The following NAALADL2 variants were observed in gnomAD, a reference collection of about 807,000 sequenced individuals.
NAALADL2 encodes N-acetylated alpha-linked acidic dipeptidase like 2.
In NAALADL2, 76 loss-of-function variants were observed where a neutral mutation model predicts 87.2. The ratio of observed to expected loss-of-function variants is 0.87; its 90% CI spans 0.72 to 1.05. The LOEUF (loss-of-function observed/expected upper bound fraction) is 1.05. NAALADL2 is among the 50% of genes least tolerant of loss of function. NAALADL2 has a pLI of 0.00. For missense variants in NAALADL2, 1,089 were observed against 945.8 expected, an observed-to-expected ratio of 1.15 and a Z score of -1.99; for synonymous variants, 354 against 331.0, an observed-to-expected ratio of 1.07 and a Z score of -0.75.
intron 2 of NAALADL2, among the ~76,000 whole-genome samples, chr3:175,187,218 A>G (rs1282185079): frequency 6.6e-6 from 1 of 152,176 alleles, no homozygotes; most frequent in Non-Finnish European, 1.5e-5. Flanking sequence ...CACTTTATAA[A>G]CATCTACCAT....
At chr3:174,918,552 G>A (rs1734722827) in intron 1 of NAALADL2, among the ~76,000 whole-genome samples, 1 of 152,132 alleles carries the variant, frequency 6.6e-6, no homozygotes, top group African/African-American at 2.4e-5. Flanking sequence ...GCTGATCAAG[G>A]ATCTGGCGGT....
At chr3:174,762,969 G>A (rs902456461) in intron 3 of NAALADL2, among the ~76,000 whole-genome samples, 5 of 152,022 alleles carry the variant, frequency 3.3e-5, no homozygotes, top group African/African-American at 1.2e-4. Flanking sequence ...AATATTTGAA[G>A]CTTCTTGATG....
At chr3:174,556,631 C>G (rs943692021) in intron 2 of NAALADL2, among the ~76,000 whole-genome samples, 1 of 152,056 alleles carries the variant, frequency 6.6e-6, no homozygotes, top group Non-Finnish European at 1.5e-5. Flanking sequence ...TTATTTCCCT[C>G]AGGAAATAAT....
At chr3:175,798,295 G>A (rs550871374) in intron 13 of NAALADL2, among the ~76,000 whole-genome samples, 1 of 149,374 alleles carries the variant, frequency 6.7e-6, no homozygotes, top group South Asian at 2.1e-4. Context: ...CCAAAATGAA[G>A]GTTTTTTTAA....
intron 3 of NAALADL2, among the ~76,000 whole-genome samples, chr3:175,250,105 G>A (rs1748755553): frequency 6.6e-6 from 1 of 151,450 alleles, no homozygotes; most frequent in African/African-American, 2.4e-5. Context: ...GGGAGTGGAG[G>A]TTGCCGTTAG....
intron 5 of NAALADL2, among the ~76,000 whole-genome samples, chr3:175,412,217 C>T (rs568046560): frequency 1.3e-5 from 2 of 152,256 alleles, no homozygotes; most frequent in South Asian, 4.2e-4. Flanking sequence ...GTCTTTTCCC[C>T]CCTTTTTATG....
At chr3:175,329,665 TGTAA>T (rs1236689871) in intron 5 of NAALADL2, among the ~76,000 whole-genome samples, 6 of 152,188 alleles carry the variant, frequency 3.9e-5, no homozygotes, top group African/African-American at 9.6e-5. Flanking sequence ...ACTATTTCAT[TGTAA>T]GTGTCTGGTG....
chr3:174,561,865 C>G (rs1194853621), intron 2 of NAALADL2, among the ~76,000 whole-genome samples: 3 of 152,120 alleles, frequency 2.0e-5, no homozygotes, highest in Non-Finnish European at 4.4e-5. Flanking sequence ...GACATTTTCT[C>G]TTTAATAAGT....
At chr3:174,948,054 G>A (rs551054205) in intron 1 of NAALADL2, among the ~76,000 whole-genome samples, 38 of 152,006 alleles carry the variant, frequency 2.5e-4, no homozygotes, top group African/African-American at 9.2e-4. Flanking sequence ...GTTAATTTTT[G>A]CCAGTTAAAC....
chr3:175,321,025 C>T (rs1400245549), intron 4 of NAALADL2, among the ~76,000 whole-genome samples: 1 of 151,564 alleles, frequency 6.6e-6, no homozygotes, highest in Non-Finnish European at 1.5e-5. Flanking sequence ...CGGGCAGAGA[C>T]ACAACCAAAA....
chr3:174,915,070 A>G (rs1254694279), intron 1 of NAALADL2, among the ~76,000 whole-genome samples: 2 of 152,204 alleles, frequency 1.3e-5, no homozygotes, highest in Admixed American at 6.5e-5. Flanking sequence ...AAATAATACA[A>G]TGTTGGAAAA....
chr3:175,703,084 T>A (rs999573033), intron 11 of NAALADL2, among the ~76,000 whole-genome samples: 21 of 152,174 alleles, frequency 1.4e-4, no homozygotes, highest in African/African-American at 4.8e-4. Flanking sequence ...TCTGAAAGCT[T>A]AGAAAACATT....
chr3:175,121,160 G>A (rs376365698), intron 2 of NAALADL2, among the ~76,000 whole-genome samples: 2 of 151,802 alleles, frequency 1.3e-5, no homozygotes, highest in African/African-American at 2.4e-5. Context: ...CTATAACAAG[G>A]AATAGAAATT....
At chr3:174,741,522 A>AT (rs1195439295) in intron 3 of NAALADL2, among the ~76,000 whole-genome samples, 1 of 151,474 alleles carries the variant, frequency 6.6e-6, no homozygotes, top group African/African-American at 2.4e-5. Context: ...TTATATTGTT[A>AT]TTTTTTATAT....
intron 1 of NAALADL2, among the ~76,000 whole-genome samples, chr3:174,924,169 G>A (rs962456222): frequency 4.6e-5 from 7 of 151,188 alleles, no homozygotes; most frequent in East Asian, 1.9e-4. Flanking sequence ...CCATTAACTC[G>A]TCATTTACAT....
chr3:175,253,721 A>G (rs1580257), intron 3 of NAALADL2, among the ~76,000 whole-genome samples: 2,214 of 152,316 alleles, frequency 0.015, 57 homozygotes, highest in African/African-American at 0.05. Context: ...TCGTGAGAGC[A>G]GGTCAAAATA....
chr3:174,488,604 C>T (rs1270795063), intron 1 of NAALADL2, among the ~76,000 whole-genome samples: 1 of 152,008 alleles, frequency 6.6e-6, no homozygotes, highest in Admixed American at 6.6e-5. Context: ...TTCTCAATTT[C>T]ATATCTTGGC....
At chr3:174,772,701 G>T (rs1179508685) in intron 3 of NAALADL2, among the ~76,000 whole-genome samples, 1 of 152,086 alleles carries the variant, frequency 6.6e-6, no homozygotes, top group Admixed American at 6.5e-5. Context: ...TCTGCGTTCT[G>T]GTATTGATAG....
intron 2 of NAALADL2, among the ~76,000 whole-genome samples, chr3:174,696,095 CT>C (rs1728985619): frequency 2.6e-5 from 4 of 151,992 alleles, no homozygotes; most frequent in Admixed American, 2.0e-4. Flanking sequence ...TTTAATCTAC[CT>C]TACTTTTAAA....
Sources: allele counts gnomAD v4.1 joint callset (sites outside exome capture counted in the v4.1 genomes callset), GRCh38; gene constraint gnomAD v4.1.1; transcripts MANE v1.5; gene names NCBI Gene and HGNC (gene_info 2026-07-23, HGNC 2026-07-21).